NOL4: variants seen among roughly 807,000 people sequenced by gnomAD.
The protein encoded by NOL4 is nucleolar protein 4, also known as cancer/testis antigen 125.
Under a neutral mutation model 75.9 loss-of-function variants are expected in NOL4, and 17 were observed. The ratio of observed to expected loss-of-function variants is 0.22; its 90% CI spans 0.15 to 0.34. NOL4 has a LOEUF of 0.34. Ranked by LOEUF, NOL4 falls within the 10% of genes least tolerant of loss-of-function variation. NOL4 has a pLI of 1.00. For synonymous variants in NOL4, 292 were observed against 289.9 expected (o/e 1.01, Z -0.07); for missense variants, 614 against 793.5 (o/e 0.77, Z 2.72).
chr18:34,195,797 C>T (rs1183541648), intron 1 of NOL4, among the ~76,000 whole-genome samples: 1 of 151,984 alleles, frequency 6.6e-6, no homozygotes, highest in African/African-American at 2.4e-5. Flanking sequence ...AAAAATGTCA[C>T]CTTGCCTGGG....
chr18:34,089,824 C>T (rs1392205231), intron 5 of NOL4, among the ~76,000 whole-genome samples: 1 of 152,182 alleles, frequency 6.6e-6, no homozygotes, highest in African/African-American at 2.4e-5. Context: ...GGACATCCCT[C>T]TCCAACAAAG....
chr18:34,213,456 A>T (rs927838176), intron 1 of NOL4, among the ~76,000 whole-genome samples: 2 of 151,860 alleles, frequency 1.3e-5, no homozygotes, highest in African/African-American at 4.8e-5. Context: ...CCCCCAGCTA[A>T]TTTTTGTATT....
At chr18:33,931,732 T>C (rs2067706785) in intron 9 of NOL4, among the ~76,000 whole-genome samples, 1 of 152,048 alleles carries the variant, frequency 6.6e-6, no homozygotes, top group African/African-American at 2.4e-5. Context: ...AGAATCTGTT[T>C]CTTAATAAAA....
intron 4 of NOL4, among the ~76,000 whole-genome samples, chr18:34,096,825 C>T (rs1021754097): frequency 3.9e-5 from 6 of 152,180 alleles, no homozygotes; most frequent in South Asian, 2.1e-4. Flanking sequence ...CTTTTAAACA[C>T]GGCACTTATT....
At chr18:34,074,971 G>A (rs1197230604) in intron 5 of NOL4, among the ~76,000 whole-genome samples, 1 of 152,112 alleles carries the variant, frequency 6.6e-6, no homozygotes, top group Non-Finnish European at 1.5e-5. Context: ...CTGGCTCATA[G>A]TAAGTACTTA....
chr18:34,210,227 A>T (rs991559978), intron 1 of NOL4, among the ~76,000 whole-genome samples: 2 of 152,216 alleles, frequency 1.3e-5, no homozygotes, highest in African/African-American at 4.8e-5. Flanking sequence ...CAAGTGTATA[A>T]CCCTTCCAAG....
chr18:34,104,272 AAGCATGGT>A (rs2079168439), intron 3 of NOL4, 113 bp from the exon 4 acceptor site: 2 of 682,136 alleles, frequency 2.9e-6, no homozygotes, highest in Non-Finnish European at 5.2e-6. Context: ...AAGTGTCTTA[AAGCATGGT>A]AGCATTATAG....
intron 9 of NOL4, among the ~76,000 whole-genome samples, chr18:33,890,415 C>A (rs1056574556): frequency 6.6e-6 from 1 of 151,846 alleles, no homozygotes; most frequent in Admixed American, 6.6e-5. Flanking sequence ...CTCATGGATA[C>A]GAAGAATCAA....
intron 9 of NOL4, among the ~76,000 whole-genome samples, chr18:33,905,308 A>G (rs1363796452): frequency 6.6e-6 from 1 of 152,096 alleles, no homozygotes; most frequent in East Asian, 1.9e-4. Flanking sequence ...CTGAACACCA[A>G]TTTGTTGCCA....
At chr18:33,976,636 GA>G (rs970453896) in intron 6 of NOL4, among the ~76,000 whole-genome samples, 5 of 152,108 alleles carry the variant, frequency 3.3e-5, no homozygotes, top group South Asian at 2.1e-4. Flanking sequence ...GTTTGATGAT[GA>G]AAAAAAGTTA....
intron 2 of NOL4, among the ~76,000 whole-genome samples, chr18:34,124,911 A>C (rs1270021133): frequency 6.6e-6 from 1 of 152,042 alleles, no homozygotes; most frequent in Non-Finnish European, 1.5e-5. Flanking sequence ...GTCTCAAAAA[A>C]AAAAAAAAAT....
Position 33,930,348 on chromosome 18 carries a change from G to T in NOL4, c.1542+12717C>A, listed in dbSNP as rs115545664. Among the ~76,000 whole-genome samples the T allele has an allele frequency of 5.5e-3, 839 of 152,114 alleles. 13 individuals are homozygous for T. The highest frequency in any genetic ancestry group is 0.019 in the African/African-American group (806 of 41,524). Reference sequence around the variant, plus strand: ...CAGAATCTGTTCTGGACTAATAAAGGTAAGATGGTAAGTTTTCAGAAGTGA... The same window carrying T: ...CAGAATCTGTTCTGGACTAATAAAGTTAAGATGGTAAGTTTTCAGAAGTGA... On this transcript the variant is annotated intron_variant, in intron 9 of 10. Transcript: ENST00000261592.
At chr18:34,097,618 C>T (rs756114224) in intron 4 of NOL4, among the ~76,000 whole-genome samples, 38 of 152,080 alleles carry the variant, frequency 2.5e-4, no homozygotes, top group Non-Finnish European at 4.6e-4. Context: ...GACTTAAGAC[C>T]TGAATTTTTA....
intron 5 of NOL4, among the ~76,000 whole-genome samples, chr18:34,089,396 T>G (rs1215706151): frequency 6.6e-6 from 1 of 152,170 alleles, no homozygotes; most frequent in African/African-American, 2.4e-5. Flanking sequence ...TCAGACACAT[T>G]CAACCAATGG....
At chr18:34,127,488 A>G (rs12957186) in intron 2 of NOL4, among the ~76,000 whole-genome samples, 36,643 of 151,786 alleles carry the variant, frequency 0.24, 5,205 homozygotes, top group East Asian at 0.44. Context: ...GAAATCTTAA[A>G]CTTAATGGGA....
intron 5 of NOL4, among the ~76,000 whole-genome samples, chr18:34,092,647 T>C (rs755477716): frequency 2.0e-5 from 3 of 152,324 alleles, no homozygotes; most frequent in Non-Finnish European, 2.9e-5. Flanking sequence ...AAAGTTCATA[T>C]GAACTTGTTA....
At chr18:34,169,474 A>T (rs2032798503) in intron 1 of NOL4, among the ~76,000 whole-genome samples, 1 of 151,824 alleles carries the variant, frequency 6.6e-6, no homozygotes, top group African/African-American at 2.4e-5. Flanking sequence ...AGGAAAAAAA[A>T]AAAAAACAGC....
At chr18:33,977,867 T>C (rs2071626265) in intron 6 of NOL4, among the ~76,000 whole-genome samples, 1 of 152,158 alleles carries the variant, frequency 6.6e-6, no homozygotes, top group Non-Finnish European at 1.5e-5. Context: ...ATGTTTTCCC[T>C]GACTGGAAAA....
At chr18:33,870,755 C>T (rs2063661231) in intron 10 of NOL4, among the ~76,000 whole-genome samples, 1 of 151,822 alleles carries the variant, frequency 6.6e-6, no homozygotes, top group Non-Finnish European at 1.5e-5. Context: ...ACATAATAAC[C>T]TATATCACCT....
Sources: gnomAD v4.1 joint callset for allele counts (sites outside exome capture counted in the v4.1 genomes callset) on GRCh38, gnomAD v4.1.1 for gene constraint, MANE v1.5 for transcripts, NCBI Gene and HGNC (gene_info 2026-07-23, HGNC 2026-07-21) for gene names.